The following SLC66A2 variants were observed in gnomAD, a reference collection of about 807,000 sequenced individuals.
SLC66A2 encodes the protein PQ loop repeat containing 1.
SLC66A2 carries 23 observed loss-of-function variants against 25.5 expected under a neutral mutation model. The observed-to-expected ratio is 0.90, with a 90% CI of 0.65 to 1.28. The LOEUF (loss-of-function observed/expected upper bound fraction) is 1.28. Ranked by LOEUF, SLC66A2 falls within the 50% of genes most tolerant of loss-of-function variation. The probability of loss-of-function intolerance (pLI) is 0.00; values close to 1 mark genes in which losing one functional copy is unlikely to be tolerated. For missense variants in SLC66A2, 396 were observed against 373.1 expected (o/e 1.06, Z -0.51); for synonymous variants, 193 against 166.5 (o/e 1.16, Z -1.23).
At chr18:79,945,402 A>C (rs921256132) in intron 2 of SLC66A2, among the ~76,000 whole-genome samples, 6 of 152,048 alleles carry the variant, frequency 3.9e-5, no homozygotes, top group African/African-American at 1.4e-4. Flanking sequence ...GCTGCATCTC[A>C]CCCAGGTCAG....
chr18:79,944,431 T>G (rs1435139820), intron 2 of SLC66A2: 2 of 152,516 alleles, frequency 1.3e-5, no homozygotes, highest in African/African-American at 4.8e-5. Context: ...CAGGCCTTCT[T>G]GCTGACTTTT....
At chr18:79,925,556 T>C (rs1227869637) in intron 4 of SLC66A2, among the ~76,000 whole-genome samples, 4 of 152,240 alleles carry the variant, frequency 2.6e-5, no homozygotes, top group African/African-American at 9.6e-5. Flanking sequence ...CTCAGAAGCT[T>C]CCGTCGCACG....
At chr18:79,930,632 G>A (rs1293782107) in intron 4 of SLC66A2, among the ~76,000 whole-genome samples, 2 of 152,036 alleles carry the variant, frequency 1.3e-5, no homozygotes, top group South Asian at 2.1e-4. Context: ...GTATTGTTTG[G>A]GGGCCTTTAA....
At chr18:79,934,997 C>A (rs986952061) in intron 3 of SLC66A2, among the ~76,000 whole-genome samples, 1 of 152,152 alleles carries the variant, frequency 6.6e-6, no homozygotes, top group Non-Finnish European at 1.5e-5. Context: ...AAAGTGCAGT[C>A]TTCTCTCCTC....
intron 4 of SLC66A2, among the ~76,000 whole-genome samples, chr18:79,923,161 C>T (rs1236373647): frequency 1.4e-5 from 2 of 144,144 alleles, no homozygotes; most frequent in Admixed American, 7.1e-5. Flanking sequence ...TGAAGAAGCC[C>T]GGCTGCAGTG....
intron 3 of SLC66A2, among the ~76,000 whole-genome samples, chr18:79,938,610 G>A (rs1410352340): frequency 1.3e-5 from 2 of 152,230 alleles, no homozygotes; most frequent in East Asian, 3.8e-4. Flanking sequence ...GAAGAGACTT[G>A]GAAAGCATGC....
intron 4 of SLC66A2, among the ~76,000 whole-genome samples, chr18:79,925,340 A>T (rs1171684272): frequency 6.6e-6 from 1 of 152,200 alleles, no homozygotes; most frequent in Admixed American, 6.5e-5. Context: ...TAGGATGCAC[A>T]CCCGTGGTCA....
Position 79,933,969 on chromosome 18 carries a change from C to G in SLC66A2, c.391G>C (p.Asp131His). 3.1e-6 allele frequency: 5 copies of G among 1,611,848 alleles called. No homozygotes were observed. The highest frequency in any genetic ancestry group is 4.2e-6 in the Non-Finnish European group (5 of 1,179,362). Residue 131 changes from aspartate to histidine, a missense_variant and splice_region_variant, in exon 4 of 6, where the codon GAC becomes CAC. Coordinates refer to ENST00000397778, the MANE Select transcript of SLC66A2 (RefSeq NM_025078.5). ...GACAGTGCACGCGCAGGGTACATAC[C>G]CAGGAAGGACCGCCTGGGGGCAACC... Reference protein sequence around the residue: ...VKVAPRRSFLDFDPHHFWQWS... With the variant: ...VKVAPRRSFLHFDPHHFWQWS...
In SLC66A2 at chr18:79,937,385, T is replaced by C. The variant is rs1427490434; in HGVS notation, c.338-3363A>G. 6.6e-6 allele frequency among the ~76,000 whole-genome samples: 1 copy of C among 152,182 alleles called. No individual in the cohort carries two copies. The highest frequency in any genetic ancestry group is 2.4e-5 in the African/African-American group (1 of 41,444). ...GGAAGAACTGGAGCATTAACAAGCG[T>C]AATAATCCAGTAACACACCAAACGT... On this transcript the variant is annotated intron_variant, in intron 3 of 5. Coordinates refer to ENST00000397778, the MANE Select transcript of SLC66A2 (RefSeq NM_025078.5). This position sits in a 1 kb window ranked among gnomAD's most constrained non-coding sequence, Gnocchi z 5.4.
intron 2 of SLC66A2, chr18:79,944,694 T>A (rs1988017009): frequency 6.6e-6 from 1 of 152,432 alleles, no homozygotes; most frequent in African/African-American, 2.4e-5. Context: ...AAGGGAATTT[T>A]CAAAACTTGA....
At chr18:79,916,391 TC>T (rs1237870061) in intron 5 of SLC66A2, among the ~76,000 whole-genome samples, 1 of 152,190 alleles carries the variant, frequency 6.6e-6, no homozygotes, top group Non-Finnish European at 1.5e-5. Context: ...ACAGAATCTC[TC>T]TGACCTTTTG....
Position 79,903,805 on chromosome 18 carries a change from C to A in SLC66A2, c.*171G>T. 3 of 594,280 alleles carry A rather than the reference C, an allele frequency of 5.0e-6. No homozygotes were observed. The highest frequency in any genetic ancestry group is 5.8e-6 in the Non-Finnish European group (2 of 346,234). The allele number at this position is 594,280 out of a possible 1,614,324, so 36.8% of individuals were successfully genotyped here. A position where few individuals can be genotyped will look rare whatever the true frequency, so the allele number is the denominator to read the frequency against. Reference sequence around the variant, plus strand: ...GCTGAGCACAAACAGCGTCCCAGCCCCACCCCCACTGCCCACCCTGAGACA... The same window carrying A: ...GCTGAGCACAAACAGCGTCCCAGCCACACCCCCACTGCCCACCCTGAGACA... On this transcript the variant is annotated 3_prime_UTR_variant, in exon 6 of 6. Coordinates refer to ENST00000397778, the MANE Select transcript of SLC66A2 (RefSeq NM_025078.5).
At chr18:79,922,302 C>T (rs1007421450) in intron 4 of SLC66A2, among the ~76,000 whole-genome samples, 3 of 148,002 alleles carry the variant, frequency 2.0e-5, no homozygotes, top group African/African-American at 7.4e-5. Flanking sequence ...AAAAAAAAAG[C>T]TAAAATCCTT....
chr18:79,951,196 C>G (rs1172855229), intron 1 of SLC66A2, among the ~76,000 whole-genome samples, 171 bp from the exon 2 acceptor site: 1 of 151,574 alleles, frequency 6.6e-6, no homozygotes, highest in African/African-American at 2.4e-5. Context: ...CTGGGGGTCC[C>G]GAGACGCTCC....
At chr18:79,928,042 G>C (rs1424975493) in intron 4 of SLC66A2, among the ~76,000 whole-genome samples, 1 of 152,202 alleles carries the variant, frequency 6.6e-6, no homozygotes, top group Non-Finnish European at 1.5e-5. Flanking sequence ...TGCTCAGTGG[G>C]GCACCCAACG....
At chr18:79,907,028 C>G (rs1347253575) in intron 5 of SLC66A2, among the ~76,000 whole-genome samples, 2 of 152,238 alleles carry the variant, frequency 1.3e-5, no homozygotes, top group African/African-American at 4.8e-5. Flanking sequence ...TCAATACATC[C>G]TGCACCCCAG....
At chr18:79,923,853 T>C (rs1243643971) in intron 4 of SLC66A2, among the ~76,000 whole-genome samples, 1 of 151,888 alleles carries the variant, frequency 6.6e-6, no homozygotes, top group African/African-American at 2.4e-5. Flanking sequence ...GTCTTGAACA[T>C]CATGAGATTC....
In SLC66A2 at chr18:79,941,285, C is replaced by G. The variant is rs1201501446; in HGVS notation, c.337+2044G>C. On this transcript the variant is annotated intron_variant, in intron 3 of 5. Transcript: ENST00000397778. This position sits in a 1 kb window ranked among gnomAD's most constrained non-coding sequence, Gnocchi z 4.1. Reference sequence around the variant, plus strand: ...GCCCTCAGCTCCAGCACCTGACCATCTCCTCTGCGGCCCTTGTTCACGTCT... The same window carrying G: ...GCCCTCAGCTCCAGCACCTGACCATGTCCTCTGCGGCCCTTGTTCACGTCT... Among the ~76,000 whole-genome samples the G allele has an allele frequency of 6.6e-6, 1 of 152,190 alleles. No individual in the cohort carries two copies. The highest frequency in any genetic ancestry group is 1.5e-5 in the Non-Finnish European group (1 of 68,028).
Position 79,917,747 on chromosome 18 carries a change from C to A in SLC66A2, c.608+1437G>T, listed in dbSNP as rs147736503. 6.6e-6 allele frequency among the ~76,000 whole-genome samples: 1 copy of A among 151,986 alleles called. No homozygotes were observed. The highest frequency in any genetic ancestry group is 1.5e-5 in the Non-Finnish European group (1 of 67,970). ...GGACACCCTCTCGGGCCTCCATGCA[C>A]CCTCGCCCGAGAAACCCCAGCAACC... is the stretch of plus-strand genomic sequence containing the variant. On this transcript the variant is annotated intron_variant, in intron 5 of 5. Transcript: ENST00000397778. The surrounding 1 kb of genome is among the most constrained non-coding windows in gnomAD (Gnocchi z 6.0).
Sources: allele counts gnomAD v4.1 joint callset (sites outside exome capture counted in the v4.1 genomes callset), GRCh38; gene constraint gnomAD v4.1.1; non-coding constraint Gnocchi (gnomAD v3.1); transcripts MANE v1.5; gene names NCBI Gene and HGNC (gene_info 2026-07-23, HGNC 2026-07-21).